C1QTNF5: variants seen among roughly 807,000 people sequenced by gnomAD.
The protein encoded by C1QTNF5 is C1q and TNF related 5.
C1QTNF5 carries 5 observed loss-of-function variants against 10.9 expected under a neutral mutation model. That is an observed-to-expected ratio of 0.46 (90% CI 0.24 to 0.97). The LOEUF is 0.97. C1QTNF5 is among the 50% of genes least tolerant of loss of function. The probability of loss-of-function intolerance (pLI) is 0.19; values close to 1 mark genes in which losing one functional copy is unlikely to be tolerated. For missense variants in C1QTNF5, 281 were observed against 339.4 expected, an observed-to-expected ratio of 0.83 and a Z score of 1.35; for synonymous variants, 161 against 156.5, an observed-to-expected ratio of 1.03 and a Z score of -0.22.
At chr11:119,342,601 G>C, upstream of C1QTNF5, 1 of 1,613,186 alleles carries the variant, frequency 6.2e-7, no homozygotes, top group Non-Finnish European at 8.5e-7. Context: ...CTCACCTGGG[G>C]GTGGGAACAA....
At chr11:119,340,160 A>G in intron 2 of C1QTNF5, 24 bp downstream of exon 2, 2 of 1,507,144 alleles carry the variant, frequency 1.3e-6, no homozygotes, top group African/African-American at 1.5e-5. Context: ...ATCGCCACCG[A>G]TAGCCGCGGC....
upstream of C1QTNF5, chr11:119,344,325 G>A (rs774285673): frequency 2.4e-5 from 38 of 1,613,908 alleles, no homozygotes; most frequent in Non-Finnish European, 2.5e-5. Context: ...CAGTTGGTGA[G>A]GGTACTGCTG....
In C1QTNF5 at chr11:119,340,393, C is replaced by T; in HGVS notation, c.5G>A (p.Arg2Lys). The T allele has an allele frequency of 6.5e-7, 1 of 1,545,116 alleles. No individual in the cohort carries two copies. The highest frequency in any genetic ancestry group is 8.7e-7 in the Non-Finnish European group (1 of 1,146,176). ...CAGGAGCAGCAGGACGAGGAGTGGC[C>T]TCATAGCGCTGGCACCGGGAGCCCG... M[R>K]PLLVLLLLGL... The change falls in exon 2 of 3, where the codon AGG (arginine) becomes AAG (lysine). Residue 2 changes from arginine to lysine, a missense_variant. Physicochemically the swap from Arg to Lys is conservative, Grantham distance 26. Coordinates refer to ENST00000528368, the MANE Select transcript of C1QTNF5 (RefSeq NM_001278431.2).
At chr11:119,346,058 T>C in the C1QTNF5 span, 1 of 1,610,652 alleles carries the variant, frequency 6.2e-7, no homozygotes, top group Non-Finnish European at 8.5e-7. Context: ...GCCAGGATGA[T>C]GGCCACCAGC....
upstream of C1QTNF5, chr11:119,345,872 G>C (rs1950559866): frequency 2.5e-6 from 4 of 1,613,614 alleles, no homozygotes; most frequent in Admixed American, 1.7e-5. Flanking sequence ...GTCGTGGTAA[G>C]GCCTCCGGCA....
At chr11:119,341,810 G>A (rs1950505661), upstream of C1QTNF5, 2 of 1,613,526 alleles carry the variant, frequency 1.2e-6, no homozygotes, top group Non-Finnish European at 1.7e-6. Context: ...CCTGCTCCCA[G>A]GCTCCTCCCC....
Position 119,339,529 on chromosome 11 carries a change from G to GA in C1QTNF5, c.533dup (p.Phe179LeufsTer24). 6.2e-7 allele frequency: 1 copy of GA among 1,613,668 alleles called. No individual in the cohort carries two copies. Among genetic ancestry groups the GA allele is most frequent in the Non-Finnish European group, 8.5e-7 (1 of 1,180,032 alleles). On this transcript the variant is annotated frameshift_variant, in exon 3 of 3. Coordinates refer to ENST00000528368, the MANE Select transcript of C1QTNF5 (RefSeq NM_001278431.2). LOFTEE classifies it high-confidence loss of function. This position sits in a 1 kb window ranked among gnomAD's most constrained non-coding sequence, Gnocchi z 5.4. ...TGGGCCACCCCCCGAAAAACTGGAA[G>GA]AAAGAGGCAATGGATTCGCCATTCT...
At chr11:119,345,558 G>T (rs1326216486), upstream of C1QTNF5, 2 of 1,614,070 alleles carry the variant, frequency 1.2e-6, no homozygotes, top group Admixed American at 3.3e-5. Context: ...CACGCAGTGG[G>T]TGTTGGGGGG....
Position 119,339,694 on chromosome 11 carries a change from C to A in C1QTNF5, c.369G>T (p.Leu123Phe), listed in dbSNP as rs1215835983. The A allele has an allele frequency of 6.2e-7, 1 of 1,608,454 alleles. No homozygotes were observed. Among genetic ancestry groups the A allele is most frequent in the African/African-American group, 1.3e-5 (1 of 75,066 alleles). The change falls in exon 3 of 3, where the codon TTG (leucine) becomes TTT (phenylalanine). Residue 123 changes from leucine (L) to phenylalanine (F), a missense_variant. Physicochemically the swap from Leu to Phe is conservative, Grantham distance 22 (BLOSUM62 0). Coordinates refer to ENST00000528368, the MANE Select transcript of C1QTNF5 (RefSeq NM_001278431.2). This position sits in a 1 kb window ranked among gnomAD's most constrained non-coding sequence, Gnocchi z 5.4. Reference protein sequence around the residue: ...SRVPPPSDAPLPFDRVLVNEQ... With the variant: ...SRVPPPSDAPFPFDRVLVNEQ... ...CGTTCACCAGCACGCGGTCGAAGGG[C>A]AAGGGTGCGTCAGACGGCGGAGGCA...
chr11:119,345,149 G>A (rs1950547788), upstream of C1QTNF5: 3 of 1,074,784 alleles, frequency 2.8e-6, no homozygotes, highest in Admixed American at 7.0e-5. Context: ...GTCCCAGGGA[G>A]CTCTGACCTT....
At chr11:119,345,338 C>T (rs1786756743), upstream of C1QTNF5, 1 of 1,431,754 alleles carries the variant, frequency 7.0e-7, no homozygotes, top group African/African-American at 1.4e-5. Flanking sequence ...TCGGTTAGCC[C>T]TTCTCCCTGC....
upstream of C1QTNF5, chr11:119,345,831 CT>C: frequency 6.2e-7 from 1 of 1,613,928 alleles, no homozygotes; most frequent in Non-Finnish European, 8.5e-7. Context: ...TCCCAGCTGC[CT>C]GAGAGGTGGT....
intron 2 of C1QTNF5, 26 bp downstream of exon 2, chr11:119,340,158 C>A (rs1026692059): frequency 4.6e-6 from 7 of 1,507,310 alleles, no homozygotes; most frequent in East Asian, 2.8e-5. Context: ...ACATCGCCAC[C>A]GATAGCCGCG....
chr11:119,343,682 G>A (rs113098288), upstream of C1QTNF5: 5,381 of 1,119,650 alleles, frequency 4.8e-3, 144 homozygotes, highest in African/African-American at 0.059. Flanking sequence ...TTAGGGTGAT[G>A]GTGAAGAGAC....
chr11:119,345,749 G>A (rs753796222), upstream of C1QTNF5: 99 of 1,613,144 alleles, frequency 6.1e-5, no homozygotes, highest in East Asian at 1.3e-4. Context: ...CCCTTCTCCC[G>A]GAAGATCTGC....
upstream of C1QTNF5, chr11:119,344,109 C>T: frequency 8.5e-7 from 1 of 1,171,466 alleles, no homozygotes; most frequent in Admixed American, 1.9e-5. Flanking sequence ...CTTTAATTTA[C>T]CTGGTTTCAG....
At chr11:119,344,688 C>T, upstream of C1QTNF5, 1 of 1,614,102 alleles carries the variant, frequency 6.2e-7, no homozygotes, top group South Asian at 1.1e-5. Context: ...GTTGGCAAAA[C>T]CATCACACAC....
At chr11:119,346,124 A>G in the C1QTNF5 span, 5 of 1,604,556 alleles carry the variant, frequency 3.1e-6, no homozygotes, top group South Asian at 4.5e-5. Flanking sequence ...AGCCAGGAGA[A>G]GCGGCAGTCT....
At chr11:119,344,840 T>G (rs1451283339), upstream of C1QTNF5, 1 of 1,613,268 alleles carries the variant, frequency 6.2e-7, no homozygotes, top group East Asian at 2.2e-5. Context: ...GGGAAGAAAG[T>G]GGACACTCAA....
Sources: gnomAD v4.1 joint callset for allele counts on GRCh38, gnomAD v4.1.1 for gene constraint, Gnocchi (gnomAD v3.1) non-coding constraint, MANE v1.5 for transcripts, NCBI Gene and HGNC (gene_info 2026-07-23, HGNC 2026-07-21) for gene names.